ERC2: variants seen among roughly 807,000 people sequenced by gnomAD.
ERC2 encodes the protein ERC protein 2.
Under a neutral mutation model 114.8 loss-of-function variants are expected in ERC2, and 42 were observed. The ratio of observed to expected loss-of-function variants is 0.37; its 90% confidence interval spans 0.29 to 0.47. The LOEUF (loss-of-function observed/expected upper bound fraction) is 0.47. ERC2 is among the 20% of genes least tolerant of loss of function. The probability of loss-of-function intolerance (pLI) is 0.99; values close to 1 mark genes in which losing one functional copy is unlikely to be tolerated. For missense variants in ERC2, 939 were observed against 1,150.7 expected, an observed-to-expected ratio of 0.82 and a Z score of 2.66; for synonymous variants, 454 against 425.5, an observed-to-expected ratio of 1.07 and a Z score of -0.82.
intron 17 of ERC2, among the ~76,000 whole-genome samples, chr3:55,683,169 C>T (rs947246034): frequency 2.6e-5 from 4 of 152,148 alleles, no homozygotes; most frequent in African/African-American, 7.2e-5. Context: ...ACTAATAAGA[C>T]CTGCTAATAT....
intron 13 of ERC2, among the ~76,000 whole-genome samples, chr3:55,917,774 AT>A (rs2065188424): frequency 6.6e-6 from 1 of 152,180 alleles, no homozygotes; most frequent in Non-Finnish European, 1.5e-5. Context: ...TAAATGGTGA[AT>A]TGCATGGTAT....
intron 4 of ERC2, among the ~76,000 whole-genome samples, chr3:56,161,824 G>A (rs978134264): frequency 2.0e-5 from 3 of 152,036 alleles, no homozygotes; most frequent in Admixed American, 1.3e-4. Context: ...GAATCATACC[G>A]TCAGTGAAGA....
chr3:56,128,054 T>A (rs1218206028), intron 6 of ERC2, among the ~76,000 whole-genome samples: 1 of 151,862 alleles, frequency 6.6e-6, no homozygotes, highest in Non-Finnish European at 1.5e-5. Flanking sequence ...CAAGACTCCA[T>A]CTCAAAAAAA....
intron 13 of ERC2, among the ~76,000 whole-genome samples, chr3:55,920,446 A>ACACACCCCCC (rs57638674): frequency 2.8e-5 from 4 of 145,446 alleles, no homozygotes; most frequent in Admixed American, 6.9e-5. Flanking sequence ...ACACACACAC[A>ACACACCCCCC]CCCCAAGTGA....
chr3:55,804,662 G>T (rs1215202356), intron 14 of ERC2, among the ~76,000 whole-genome samples: 2 of 152,254 alleles, frequency 1.3e-5, no homozygotes, highest in African/African-American at 4.8e-5. Context: ...TTCAAAGCCA[G>T]TGTGCTAAGC....
intron 14 of ERC2, among the ~76,000 whole-genome samples, chr3:55,805,578 C>T (rs552349166): frequency 6.6e-6 from 1 of 151,776 alleles, no homozygotes; most frequent in Non-Finnish European, 1.5e-5. Flanking sequence ...TTGGATATCA[C>T]TTGGCATTGC....
At chr3:55,962,890 T>C (rs1344983019) in intron 12 of ERC2, among the ~76,000 whole-genome samples, 2 of 152,214 alleles carry the variant, frequency 1.3e-5, no homozygotes, top group Non-Finnish European at 1.5e-5. Flanking sequence ...CAAAGCTCTA[T>C]GGAGCACAAA....
rs11343406 is a variant in ERC2 at position 56,443,958 on chromosome 3, ATTTTT to A, written c.-140-8816_-140-8812del. The stretch of plus-strand genomic sequence containing the variant: ...TGTGAACTCTTTAAAAATACCTACA[ATTTTT>A]TTTTTTTTTTTTTGGTTGAGATGGA... On this transcript the variant is annotated intron_variant, in intron 1 of 17. Transcript: ENST00000288221. 3.4e-4 allele frequency among the ~76,000 whole-genome samples: 27 copies of A among 80,256 alleles called. 1 individual carries two copies. The Admixed American group carries it at 5.0e-3, about 15-fold the overall frequency. The allele number at this position is 80,256 out of a possible 152,430, so 52.7% of individuals were successfully genotyped here. A position where few individuals can be genotyped will look rare whatever the true frequency, so the allele number is the denominator to read the frequency against.
chr3:55,921,351 C>T (rs2065417933), intron 13 of ERC2, among the ~76,000 whole-genome samples: 1 of 152,052 alleles, frequency 6.6e-6, no homozygotes, highest in African/African-American at 2.4e-5. Flanking sequence ...GGGGCAGGGT[C>T]CGATCTAGCT....
chr3:56,085,937 A>C (rs999942147), intron 6 of ERC2, among the ~76,000 whole-genome samples: 27 of 152,302 alleles, frequency 1.8e-4, no homozygotes, highest in African/African-American at 6.5e-4. Flanking sequence ...GGAAATGCCT[A>C]ATATCCAAAC....
In ERC2 at chr3:55,805,923, G is replaced by C. The variant is rs78757758; in HGVS notation, c.2565-71005C>G. ...AGGTGGGAACTGGGGAAAATGTTCT[G>C]AAATATTGTCTACTATGAGGAGAAA... On this transcript the variant is annotated intron_variant, in intron 14 of 17. Coordinates refer to ENST00000288221, the MANE Select transcript of ERC2 (RefSeq NM_015576.3). Among the ~76,000 whole-genome samples the C allele has an allele frequency of 6.6e-4, 101 of 152,284 alleles. 1 individual carries two copies. In the East Asian group the frequency reaches 0.019, roughly 28 times the overall value.
At chr3:56,147,051 G>A (rs2081180684) in intron 5 of ERC2, among the ~76,000 whole-genome samples, 1 of 152,220 alleles carries the variant, frequency 6.6e-6, no homozygotes, top group Admixed American at 6.5e-5. Flanking sequence ...ATTTTCAGCT[G>A]TAGAAGTGGC....
chr3:55,616,521 T>C (rs549537175), intron 17 of ERC2, among the ~76,000 whole-genome samples: 3 of 152,234 alleles, frequency 2.0e-5, no homozygotes, highest in East Asian at 3.9e-4. Context: ...TATATATATA[T>C]ACACTACATA....
intron 3 of ERC2, among the ~76,000 whole-genome samples, chr3:56,231,695 A>G (rs144705555): frequency 1.2e-3 from 185 of 152,304 alleles, no homozygotes; most frequent in African/African-American, 4.4e-3. Flanking sequence ...GCCATAGAGA[A>G]CCAGGTCATG....
At chr3:56,425,144 G>A (rs529279715) in intron 2 of ERC2, among the ~76,000 whole-genome samples, 1 of 152,102 alleles carries the variant, frequency 6.6e-6, no homozygotes, top group Admixed American at 6.5e-5. Context: ...CTCAACACCT[G>A]CAGTTCTAAT....
chr3:55,708,934 G>C (rs1187724878), intron 15 of ERC2, among the ~76,000 whole-genome samples: 2 of 138,938 alleles, frequency 1.4e-5, no homozygotes, highest in Admixed American at 7.0e-5. Context: ...GAAAAAGAAA[G>C]GAAGGAGAGA....
chr3:56,242,183 G>A (rs2051365693), intron 3 of ERC2, among the ~76,000 whole-genome samples: 1 of 149,170 alleles, frequency 6.7e-6, no homozygotes, highest in Non-Finnish European at 1.5e-5. Flanking sequence ...CAACTTGGAT[G>A]GAGGCCATTT....
At chr3:56,287,863 G>A (rs553601648) in intron 3 of ERC2, among the ~76,000 whole-genome samples, 5 of 152,306 alleles carry the variant, frequency 3.3e-5, no homozygotes, top group South Asian at 2.1e-4. Flanking sequence ...CCATTGTTCC[G>A]TTCAGAGTAT....
At chr3:55,528,671 A>G (rs1296541698) in intron 17 of ERC2, among the ~76,000 whole-genome samples, 1 of 152,222 alleles carries the variant, frequency 6.6e-6, no homozygotes, top group Admixed American at 6.5e-5. Context: ...TGTCTGGTAC[A>G]GACACAAGGA....
Sources: gnomAD v4.1 joint callset for allele counts (sites outside exome capture counted in the v4.1 genomes callset) on GRCh38, gnomAD v4.1.1 for gene constraint, MANE v1.5 for transcripts, NCBI Gene and HGNC (gene_info 2026-07-23, HGNC 2026-07-21) for gene names.